Variants in COL5A2 observed in about 807,000 individuals in gnomAD.
COL5A2 encodes collagen alpha-2(V) chain.
A neutral mutation model predicts 208.2 loss-of-function variants in COL5A2; 23 were observed. That is an observed-to-expected ratio of 0.11 (90% CI 0.08 to 0.16). The LOEUF (loss-of-function observed/expected upper bound fraction) is 0.16. Among genes scored for constraint, COL5A2 ranks in the 10% least tolerant of loss-of-function variants. The probability of loss-of-function intolerance (pLI) is 1.00; values close to 1 mark genes in which losing one functional copy is unlikely to be tolerated. For synonymous variants in COL5A2, 625 were observed against 628.5 expected (o/e 0.99, Z 0.08); for missense variants, 1,590 against 1,956.4 (o/e 0.81, Z 3.53).
At chr2:189,128,113 G>T (rs555605714) in intron 1 of COL5A2, among the ~76,000 whole-genome samples, 25 of 152,092 alleles carry the variant, frequency 1.6e-4, no homozygotes, top group African/African-American at 6.0e-4. Flanking sequence ...TGATGTAGCT[G>T]CCCACAGCAA....
the COL5A2 span, among the ~76,000 whole-genome samples, chr2:189,244,760 G>A: frequency 2.0e-5 from 3 of 152,072 alleles, no homozygotes; most frequent in Non-Finnish European, 4.4e-5. Context: ...CACATTTTTG[G>A]GTATCTTTTC....
the COL5A2 span, among the ~76,000 whole-genome samples, chr2:189,265,611 G>T: frequency 6.6e-6 from 1 of 152,210 alleles, no homozygotes; most frequent in East Asian, 1.9e-4. Context: ...AGTACCTGGG[G>T]TTAAGACTTC....
chr2:189,251,605 A>AT, the COL5A2 span, among the ~76,000 whole-genome samples: 1 of 151,126 alleles, frequency 6.6e-6, no homozygotes, highest in Non-Finnish European at 1.5e-5. Flanking sequence ...AGCTCAAAAC[A>AT]TTTTTTTCAG....
intron 43 of COL5A2, among the ~76,000 whole-genome samples, chr2:189,049,931 C>T (rs1685749248): frequency 6.6e-6 from 1 of 152,156 alleles, no homozygotes; most frequent in Admixed American, 6.6e-5. Context: ...ACATGTCTCC[C>T]AGTTCTAAGA....
chr2:189,355,687 G>A, the COL5A2 span, among the ~76,000 whole-genome samples: 308 of 152,186 alleles, frequency 2.0e-3, 1 homozygote, highest in African/African-American at 7.2e-3. Flanking sequence ...CACATGAGAT[G>A]GGTCTCCTGA....
At chr2:189,342,926 C>A in the COL5A2 span, among the ~76,000 whole-genome samples, 1 of 152,036 alleles carries the variant, frequency 6.6e-6, no homozygotes, top group Non-Finnish European at 1.5e-5. Flanking sequence ...TGCCAAAATG[C>A]CAATGTATTT....
the COL5A2 span, among the ~76,000 whole-genome samples, chr2:189,422,013 C>G: frequency 6.6e-6 from 1 of 152,152 alleles, no homozygotes; most frequent in Non-Finnish European, 1.5e-5. Context: ...CCCAGAATCT[C>G]TGGACAGGCT....
intron 48 of COL5A2, 35 bp downstream of exon 48, chr2:189,043,116 T>C (rs1386242946): frequency 2.0e-6 from 3 of 1,490,026 alleles, no homozygotes; most frequent in South Asian, 1.1e-5. Context: ...TATTTTCAAC[T>C]ACAGGGCAGA....
the COL5A2 span, among the ~76,000 whole-genome samples, chr2:189,292,909 G>GAA: frequency 1.6e-4 from 25 of 152,212 alleles, no homozygotes; most frequent in Admixed American, 1.6e-3. Context: ...ATACACCATG[G>GAA]AATACTATGC....
At chr2:189,352,125 T>C in the COL5A2 span, among the ~76,000 whole-genome samples, 1 of 152,198 alleles carries the variant, frequency 6.6e-6, no homozygotes, top group Non-Finnish European at 1.5e-5. Context: ...GCAAAGGACA[T>C]GAAGTCATCC....
At chr2:189,238,393 A>C in the COL5A2 span, among the ~76,000 whole-genome samples, 1 of 152,120 alleles carries the variant, frequency 6.6e-6, no homozygotes, top group Admixed American at 6.6e-5. Flanking sequence ...TGAAGCATTA[A>C]TTCAAAATTC....
Position 189,032,249 on chromosome 2 carries a change from T to G in COL5A2, c.*1821A>C, listed in dbSNP as rs969524091. 2.0e-5 allele frequency: 3 copies of G among 152,148 alleles called. No individual in the cohort carries two copies. Among genetic ancestry groups the G allele is most frequent in the African/African-American group, 7.2e-5 (3 of 41,446 alleles). 9.4% of individuals were successfully genotyped at this position (152,148 alleles called of 1,614,324 possible). A position where few individuals can be genotyped will look rare whatever the true frequency, so the allele number is the denominator to read the frequency against. On this transcript the variant is annotated 3_prime_UTR_variant, in exon 54 of 54. Coordinates refer to ENST00000374866, the MANE Select transcript of COL5A2 (RefSeq NM_000393.5). The stretch of plus-strand genomic sequence containing the variant: ...TTTATTATTACAGTTTATTCAGTCA[T>G]GAAAAATCTATTGCTTGCCCTTTTT...
the COL5A2 span, among the ~76,000 whole-genome samples, chr2:189,248,619 T>C: frequency 6.6e-6 from 1 of 152,160 alleles, no homozygotes; most frequent in Non-Finnish European, 1.5e-5. Flanking sequence ...AAGAAAAAAC[T>C]ACAAATTCTT....
chr2:189,438,655 G>C, the COL5A2 span, among the ~76,000 whole-genome samples: 1 of 152,212 alleles, frequency 6.6e-6, no homozygotes, highest in African/African-American at 2.4e-5. Context: ...ATTAGTGGTT[G>C]CCAGGGGATA....
In COL5A2 at chr2:189,057,347, T is replaced by C. The variant is rs201174443; in HGVS notation, c.2310A>G (p.Ala770=). ...TGTCACCCTTGGGGCCAGGAGTTCC[T>C]GCAATTCCTCTTTCTCCCGGCATAC... ...LQGMPGERGI[A]GTPGPKGDRG... is the part of the protein sequence containing the mutation. The change falls in exon 34 of 54, where the codon GCA becomes GCG. Residue 770 remains alanine, a synonymous_variant. Transcript: ENST00000374866. 1 of 1,602,164 alleles carries C rather than the reference T, an allele frequency of 6.2e-7. No homozygotes were observed. The highest frequency in any genetic ancestry group is 8.5e-7 in the Non-Finnish European group (1 of 1,172,564).
chr2:189,397,073 G>A, the COL5A2 span, among the ~76,000 whole-genome samples: 258 of 151,598 alleles, frequency 1.7e-3, no homozygotes, highest in African/African-American at 6.0e-3. Context: ...CAGATTCATA[G>A]TTTCATAGGT....
chr2:189,105,745 G>T (rs1687136706), intron 2 of COL5A2, among the ~76,000 whole-genome samples: 1 of 151,288 alleles, frequency 6.6e-6, no homozygotes, highest in African/African-American at 2.4e-5. Context: ...AGACTATAAA[G>T]AAATTATCCT....
At chr2:189,221,661 G>A (rs906720296) in intron 1 of COL5A2, among the ~76,000 whole-genome samples, 1 of 152,034 alleles carries the variant, frequency 6.6e-6, no homozygotes, top group Non-Finnish European at 1.5e-5. Context: ...TTTAGATAAA[G>A]GATTGAAGAA....
Position 189,065,057 on chromosome 2 carries a change from C to A in COL5A2, c.1564G>T (p.Gly522Cys). The A allele has an allele frequency of 6.2e-7, 1 of 1,613,522 alleles. No homozygotes were observed. The highest frequency in any genetic ancestry group is 8.5e-7 in the Non-Finnish European group (1 of 1,179,790). ...VGPPGPVGER[G>C]APGNRGFPGS... ...GGAAAACCACGATTGCCAGGAGCACCCTACAAATGACCAAAATGTGATTCT... is the reference window on the plus strand; with the variant it reads ...GGAAAACCACGATTGCCAGGAGCACACTACAAATGACCAAAATGTGATTCT... Residue 522 changes from glycine (G) to cysteine (C), a missense_variant and splice_region_variant, in exon 24 of 54, where the codon GGT (glycine) becomes TGT (cysteine). Gly to Cys is a radical substitution (Grantham distance 159). Transcript: ENST00000374866.
Sources: allele counts gnomAD v4.1 joint callset (sites outside exome capture counted in the v4.1 genomes callset), GRCh38; gene constraint gnomAD v4.1.1; transcripts MANE v1.5; gene names NCBI Gene and HGNC (gene_info 2026-07-23, HGNC 2026-07-21).